FAT4: variants seen among roughly 807,000 people sequenced by gnomAD.
FAT4 encodes the protein FAT atypical cadherin 4, also known as protocadherin Fat 4.
A neutral mutation model predicts 303.9 loss-of-function variants in FAT4; 84 were observed. That is an observed-to-expected ratio of 0.28 (90% CI 0.23 to 0.33). FAT4 has a LOEUF of 0.33. Among genes scored for constraint, FAT4 ranks in the 10% least tolerant of loss-of-function variants. FAT4 has a pLI of 1.00. For missense variants in FAT4, 6,005 were observed against 6,146.8 expected, an observed-to-expected ratio of 0.98 and a Z score of 0.77; for synonymous variants, 2,307 against 2,298.8, an observed-to-expected ratio of 1.00 and a Z score of -0.10.
At chr4:125,423,638 GC>G (rs1308829351) in intron 7 of FAT4, among the ~76,000 whole-genome samples, 1 of 152,230 alleles carries the variant, frequency 6.6e-6, no homozygotes, top group East Asian at 1.9e-4. Context: ...AAGAAGGCCA[GC>G]ATCCTCCAGA....
intron 3 of FAT4, 132 bp from the exon 4 acceptor site, chr4:125,406,748 G>A (rs546319236): frequency 1.0e-6 from 1 of 956,410 alleles, no homozygotes; most frequent in African/African-American, 1.6e-5. Context: ...CTCATTACCT[G>A]TTTAAGTCTT....
At chr4:125,421,224 T>G (rs1182503900) in intron 7 of FAT4, among the ~76,000 whole-genome samples, 1 of 152,144 alleles carries the variant, frequency 6.6e-6, no homozygotes, top group African/African-American at 2.4e-5. Context: ...CTGAATAGTT[T>G]CACCATTCGA....
chr4:125,321,509 C>A lies in FAT4; in HGVS notation c.5098C>A (p.Gln1700Lys). ...IQTAAILDREQGACLYLVDVY... is the reference protein window; with the variant it reads ...IQTAAILDREKGACLYLVDVY... ...GACCGCAGCCATTCTGGACCGGGAG[C>A]AAGGAGCATGTCTTTACCTGGTGGA... The change falls in exon 2 of 18, where the codon CAA becomes AAA. Residue 1700 changes from glutamine (Q) to lysine (K), a missense_variant. Transcript: ENST00000394329. The A allele has an allele frequency of 1.2e-6, 2 of 1,614,092 alleles. No individual in the cohort carries two copies. The highest frequency in any genetic ancestry group is 1.1e-5 in the South Asian group (1 of 91,078).
At chr4:125,443,346 A>G (rs1186009085) in intron 8 of FAT4, among the ~76,000 whole-genome samples, 2 of 152,206 alleles carry the variant, frequency 1.3e-5, no homozygotes, top group Non-Finnish European at 2.9e-5. Flanking sequence ...CTATATTGAC[A>G]CAACTTGAGC....
intron 7 of FAT4, among the ~76,000 whole-genome samples, chr4:125,418,379 G>C (rs1162210026): frequency 1.3e-5 from 2 of 151,990 alleles, no homozygotes; most frequent in African/African-American, 2.4e-5. Flanking sequence ...TTTCAATGTG[G>C]GAGGGAGAAA....
Position 125,491,782 on chromosome 4 carries a change from G to C in FAT4, c.*14G>C. The C allele has an allele frequency of 1.3e-6, 2 of 1,576,454 alleles. No individual in the cohort carries two copies. The highest frequency in any genetic ancestry group is 1.7e-6 in the Non-Finnish European group (2 of 1,164,508). Reference sequence around the variant, plus strand: ...CAGTATGTGTGAAGTTTATGTACTGGCACTATAAAATATAAAAACAAGAAA... The same window carrying C: ...CAGTATGTGTGAAGTTTATGTACTGCCACTATAAAATATAAAAACAAGAAA... On this transcript the variant is annotated 3_prime_UTR_variant, in exon 18 of 18. Coordinates refer to ENST00000394329, the MANE Select transcript of FAT4 (RefSeq NM_001291303.3).
intron 7 of FAT4, among the ~76,000 whole-genome samples, chr4:125,431,303 T>A (rs1725275588): frequency 6.6e-6 from 1 of 152,184 alleles, no homozygotes; most frequent in African/African-American, 2.4e-5. Context: ...AAATACCACA[T>A]TTAAAAATGT....
At chr4:125,380,434 T>A (rs745570553) in intron 2 of FAT4, among the ~76,000 whole-genome samples, 8 of 152,156 alleles carry the variant, frequency 5.3e-5, no homozygotes, top group Non-Finnish European at 1.2e-4. Context: ...TTAAGGGAAA[T>A]GTAATGTAAA....
intron 10 of FAT4, 117 bp downstream of exon 10, chr4:125,452,927 TG>T: frequency 1.6e-6 from 2 of 1,288,036 alleles, no homozygotes; most frequent in Non-Finnish European, 2.1e-6. Context: ...TAGTAACAAA[TG>T]TTTTTAAACA....
At chr4:125,349,093 T>C (rs1732118567) in intron 2 of FAT4, among the ~76,000 whole-genome samples, 1 of 151,718 alleles carries the variant, frequency 6.6e-6, no homozygotes, top group African/African-American at 2.4e-5. Context: ...TTTAGAAGAG[T>C]ATACTAAAAA....
At chr4:125,479,387 TC>T (rs1205205830) in intron 14 of FAT4, among the ~76,000 whole-genome samples, 2 of 152,202 alleles carry the variant, frequency 1.3e-5, no homozygotes, top group Non-Finnish European at 2.9e-5. Flanking sequence ...TGCATGAGTA[TC>T]CTGATAGACA....
In FAT4 at chr4:125,477,389, C is replaced by A. The variant is rs143802800; in HGVS notation, c.12479+55C>A. 3 of 1,374,828 alleles carry A rather than the reference C, an allele frequency of 2.2e-6. No homozygotes were observed. The African/African-American group carries it at 4.5e-5, about 20-fold the overall frequency. 85.2% of individuals were successfully genotyped at this position (1,374,828 alleles called of 1,614,324 possible). ...AAGAAAAAAAATGCAAAAAAGTATGCTTCAGTGAGCATCAAAAGATGAAAT... is the reference window on the plus strand; with the variant it reads ...AAGAAAAAAAATGCAAAAAAGTATGATTCAGTGAGCATCAAAAGATGAAAT... On this transcript the variant is annotated intron_variant, in intron 14 of 17. Transcript: ENST00000394329.
intron 3 of FAT4, among the ~76,000 whole-genome samples, chr4:125,402,596 G>A (rs1051302063): frequency 6.6e-6 from 1 of 152,068 alleles, no homozygotes; most frequent in South Asian, 2.1e-4. Flanking sequence ...CTGGCCTGAA[G>A]AATGCAGTAC....
intron 15 of FAT4, 151 bp from the exon 16 acceptor site, chr4:125,481,370 A>G (rs1277170477): frequency 1.4e-5 from 9 of 640,584 alleles, no homozygotes; most frequent in Admixed American, 3.0e-5. Context: ...TGATTCATAA[A>G]TGGAAATTAT....
At chr4:125,479,695 C>A (rs1727154429) in intron 14 of FAT4, 46 bp from the exon 15 acceptor site, 2 of 1,466,548 alleles carry the variant, frequency 1.4e-6, no homozygotes, top group African/African-American at 2.8e-5. Flanking sequence ...GCAAACTTCT[C>A]CTCATCTTTT....
At chr4:125,393,468 T>C (rs1250095250) in intron 2 of FAT4, among the ~76,000 whole-genome samples, 1 of 152,172 alleles carries the variant, frequency 6.6e-6, no homozygotes. Flanking sequence ...GGTTTGATAT[T>C]AGCGATTGTT....
chr4:125,354,880 C>G, intron 2 of FAT4, among the ~76,000 whole-genome samples: 1 of 151,696 alleles, frequency 6.6e-6, no homozygotes. Flanking sequence ...AAGCAGTACT[C>G]CTAGTATGGT....
At chr4:125,372,054 C>T (rs1454592076) in intron 2 of FAT4, among the ~76,000 whole-genome samples, 1 of 151,948 alleles carries the variant, frequency 6.6e-6, no homozygotes, top group African/African-American at 2.4e-5. Flanking sequence ...CTTTTAAAAA[C>T]GTTGAATCAA....
chr4:125,352,850 A>G (rs1339612610), intron 2 of FAT4, among the ~76,000 whole-genome samples: 1 of 151,794 alleles, frequency 6.6e-6, no homozygotes, highest in Non-Finnish European at 1.5e-5. Context: ...AGTCAACTGT[A>G]TAAGCCATAA....
Sources: gnomAD v4.1 joint callset for allele counts (sites outside exome capture counted in the v4.1 genomes callset) on GRCh38, gnomAD v4.1.1 for gene constraint, MANE v1.5 for transcripts, NCBI Gene and HGNC (gene_info 2026-07-23, HGNC 2026-07-21) for gene names.